The following LDLRAD3 variants were observed in gnomAD, a reference collection of about 807,000 sequenced individuals.
LDLRAD3 encodes the protein low density lipoprotein receptor class A domain containing 3, also known as low-density lipoprotein receptor class A domain-containing protein 3.
A neutral mutation model predicts 29.4 loss-of-function variants in LDLRAD3; 20 were observed. The ratio of observed to expected loss-of-function variants is 0.68; its 90% CI spans 0.48 to 0.99. The LOEUF is 0.99. LDLRAD3 is among the 50% of genes least tolerant of loss of function. The pLI is 0.00. For synonymous variants in LDLRAD3, 157 were observed against 192.7 expected (o/e 0.81, Z 1.53); for missense variants, 420 against 454.3 (o/e 0.92, Z 0.69).
chr11:36,094,719 T>C (rs185857356), intron 3 of LDLRAD3, among the ~76,000 whole-genome samples: 1 of 152,268 alleles, frequency 6.6e-6, no homozygotes, highest in African/African-American at 2.4e-5. Flanking sequence ...GTATTTTTAG[T>C]AGAGGCAGGG....
At chr11:36,124,661 T>C (rs1393883696) in intron 4 of LDLRAD3, among the ~76,000 whole-genome samples, 1 of 151,876 alleles carries the variant, frequency 6.6e-6, no homozygotes, top group Admixed American at 6.6e-5. Context: ...TCCTCCACCT[T>C]GTCCGGCACG....
intron 2 of LDLRAD3, among the ~76,000 whole-genome samples, chr11:36,044,734 A>G (rs1479861823): frequency 6.6e-6 from 1 of 152,180 alleles, no homozygotes; most frequent in Non-Finnish European, 1.5e-5. Context: ...CAAACATTTG[A>G]GGGGCTGAGG....
chr11:36,020,971 G>A (rs1852087371), intron 1 of LDLRAD3, among the ~76,000 whole-genome samples: 1 of 152,174 alleles, frequency 6.6e-6, no homozygotes, highest in Admixed American at 6.5e-5. Flanking sequence ...GACAGGGATG[G>A]GACATATTAA....
Position 36,213,687 on chromosome 11 carries a change from C to G in LDLRAD3, c.455-13398C>G, listed in dbSNP as rs927601889. ...GAGTGCCATTGGGGTCAGGCCTGCT[C>G]CCCGCACCTGAGCACAGGGCCCAGC... On this transcript the variant is annotated intron_variant, in intron 4 of 5. Coordinates refer to ENST00000315571, the MANE Select transcript of LDLRAD3 (RefSeq NM_174902.4). The surrounding 1 kb of genome is among the most constrained non-coding windows in gnomAD (Gnocchi z 4.1). Among the ~76,000 whole-genome samples, 1 of 152,196 alleles carries G rather than the reference C, an allele frequency of 6.6e-6. No homozygotes were observed. Among genetic ancestry groups the G allele is most frequent in the South Asian group, 2.1e-4 (1 of 4,834 alleles).
At chr11:36,074,487 T>C (rs550380404) in intron 2 of LDLRAD3, among the ~76,000 whole-genome samples, 1 of 152,288 alleles carries the variant, frequency 6.6e-6, no homozygotes, top group East Asian at 1.9e-4. Flanking sequence ...GGGAATATGC[T>C]GGCTGGGCTT....
chr11:36,119,356 G>A lies in LDLRAD3; in HGVS notation c.454+20895G>A, dbSNP rs569366624. Among the ~76,000 whole-genome samples the A allele has an allele frequency of 2.6e-5, 4 of 152,210 alleles. No individual in the cohort carries two copies. The South Asian group carries it at 8.3e-4, about 32-fold the overall frequency. On this transcript the variant is annotated intron_variant, in intron 4 of 5. Coordinates refer to ENST00000315571, the MANE Select transcript of LDLRAD3 (RefSeq NM_174902.4). ...GAAGTGGAATTGTTGGGTTATGTGG[G>A]AACTCTGTTTTAACTCTGAGGAACT... is the stretch of plus-strand genomic sequence containing the variant.
Position 36,065,164 on chromosome 11 carries a change from G to T in LDLRAD3, c.194-16489G>T, listed in dbSNP as rs1852771609. The stretch of plus-strand genomic sequence containing the variant: ...ACTGACTATTTCTTCCTTTAATTCT[G>T]TCAGTTTTTGCTTCAAGAATCTTGG... On this transcript the variant is annotated intron_variant, in intron 2 of 5. Coordinates refer to ENST00000315571, the MANE Select transcript of LDLRAD3 (RefSeq NM_174902.4). Among the ~76,000 whole-genome samples the T allele has an allele frequency of 2.0e-5, 3 of 152,102 alleles. No homozygotes were observed. In the South Asian group the frequency reaches 6.2e-4, roughly 32 times the overall value.
At chr11:36,201,131 G>GAGTGACACTTCCATAGA (rs1452969493) in intron 4 of LDLRAD3, among the ~76,000 whole-genome samples, 3 of 152,168 alleles carry the variant, frequency 2.0e-5, no homozygotes, top group Non-Finnish European at 4.4e-5. Flanking sequence ...AAGTGTGATG[G>GAGTGACACTTCCATAGA]AGTGACAATG....
intron 4 of LDLRAD3, among the ~76,000 whole-genome samples, chr11:36,165,533 G>A (rs1854500906): frequency 6.6e-6 from 1 of 151,848 alleles, no homozygotes. Flanking sequence ...TGCCAACATA[G>A]GATATTATCA....
chr11:36,014,806 G>T (rs262420), intron 1 of LDLRAD3, among the ~76,000 whole-genome samples: 144,674 of 152,362 alleles, frequency 0.95, 68,733 homozygotes, highest in Middle Eastern at 0.98. Flanking sequence ...TATTCTGGAT[G>T]GCTTTTCTCT....
intron 4 of LDLRAD3, chr11:36,101,849 T>C (rs1853451097): frequency 3.1e-6 from 1 of 317,504 alleles, no homozygotes; most frequent in Non-Finnish European, 6.0e-6. Context: ...AGACAAAATA[T>C]TGCCCTATGC....
chr11:36,230,286 C>G lies in LDLRAD3; in HGVS notation c.*889C>G, dbSNP rs570103562. 6.6e-6 allele frequency: 1 copy of G among 152,422 alleles called. No individual in the cohort carries two copies. The highest frequency in any genetic ancestry group is 1.9e-4 in the East Asian group (1 of 5,188). The allele number at this position is 152,422 out of a possible 1,614,324, so 9.4% of individuals were successfully genotyped here. On this transcript the variant is annotated 3_prime_UTR_variant, in exon 6 of 6. Transcript: ENST00000315571. ...AATGAGGACCTAACTTGAGTTGGCCCAAAGTCTGACCTGGCTGTATGTCCC... is the reference window on the plus strand; with the variant it reads ...AATGAGGACCTAACTTGAGTTGGCCGAAAGTCTGACCTGGCTGTATGTCCC...
rs561507045 is a variant in LDLRAD3 at position 36,166,065 on chromosome 11, A to G, written c.455-61020A>G. ...CCTAGACAGCTTAGGTGAAGGGCTG[A>G]CAGAGGGAAATTGACTGGCTAATCT... On this transcript the variant is annotated intron_variant, in intron 4 of 5. Transcript: ENST00000315571. Among the ~76,000 whole-genome samples the G allele has an allele frequency of 6.7e-5, 10 of 150,014 alleles. No homozygotes were observed. The East Asian group carries it at 1.8e-3, about 27-fold the overall frequency.
intron 4 of LDLRAD3, among the ~76,000 whole-genome samples, chr11:36,118,308 G>C (rs1590281744): frequency 6.6e-6 from 1 of 152,248 alleles, no homozygotes; most frequent in East Asian, 1.9e-4. Flanking sequence ...ACTGCGAATG[G>C]GAACCTGGTT....
chr11:36,098,805 C>G (rs895614809), intron 4 of LDLRAD3, among the ~76,000 whole-genome samples: 1 of 152,200 alleles, frequency 6.6e-6, no homozygotes, highest in Non-Finnish European at 1.5e-5. Flanking sequence ...TTGTTTCTTT[C>G]CCTTGAATTA....
intron 1 of LDLRAD3, among the ~76,000 whole-genome samples, chr11:35,964,495 C>T (rs74493242): frequency 0.011 from 1,674 of 152,192 alleles, 52 homozygotes; most frequent in East Asian, 0.1. Context: ...GACATAGGCA[C>T]TGGGAAGGCT....
chr11:36,146,123 C>T lies in LDLRAD3; in HGVS notation c.454+47662C>T, dbSNP rs144745954. On this transcript the variant is annotated intron_variant, in intron 4 of 5. Transcript: ENST00000315571. ...AATGAATGGGTGCTGGTGAGAAGCA[C>T]CAAGACCTAAATTCTTATTCAGACT... Among the ~76,000 whole-genome samples the T allele has an allele frequency of 1.0e-3, 155 of 152,238 alleles. 1 individual carries two copies. Among genetic ancestry groups the T allele is most frequent in the Non-Finnish European group, 1.4e-3 (92 of 68,020 alleles).
At chr11:36,166,457 G>T (rs1440419674) in intron 4 of LDLRAD3, among the ~76,000 whole-genome samples, 1 of 152,166 alleles carries the variant, frequency 6.6e-6, no homozygotes, top group Non-Finnish European at 1.5e-5. Flanking sequence ...ATAGAAGCCA[G>T]TTTGTTAGAA....
At chr11:36,077,975 T>C (rs569010558) in intron 2 of LDLRAD3, among the ~76,000 whole-genome samples, 2 of 152,258 alleles carry the variant, frequency 1.3e-5, no homozygotes, top group African/African-American at 4.8e-5. Flanking sequence ...AGGGGAACTT[T>C]ATTGAGTAAT....
Sources: gnomAD v4.1 joint callset for allele counts (sites outside exome capture counted in the v4.1 genomes callset) on GRCh38, gnomAD v4.1.1 for gene constraint, Gnocchi (gnomAD v3.1) non-coding constraint, MANE v1.5 for transcripts, NCBI Gene and HGNC (gene_info 2026-07-23, HGNC 2026-07-21) for gene names.